The following ECE1 variants were observed in gnomAD, a reference collection of about 807,000 sequenced individuals.
ECE1 encodes the protein endothelin converting enzyme 1, also known as endothelin-converting enzyme 1.
ECE1 carries 35 observed loss-of-function variants against 98.6 expected under a neutral mutation model. That is an observed-to-expected ratio of 0.35 (90% CI 0.27 to 0.47). ECE1 has a LOEUF of 0.47. Among genes scored for constraint, ECE1 ranks in the 20% least tolerant of loss-of-function variants. The pLI, the probability that ECE1 is intolerant of heterozygous loss-of-function variation, is 1.00. For synonymous variants in ECE1, 394 were observed against 407.1 expected (o/e 0.97, Z 0.39); for missense variants, 814 against 1,025.3 (o/e 0.79, Z 2.81).
intron 1 of ECE1, among the ~76,000 whole-genome samples, chr1:21,304,058 G>A (rs183409514): frequency 1.4e-3 from 209 of 150,280 alleles, no homozygotes; most frequent in African/African-American, 4.6e-3. Flanking sequence ...GCTCACGCCT[G>A]TAATCCCAGC....
chr1:21,282,609 GA>G (rs1350018377), intron 2 of ECE1, among the ~76,000 whole-genome samples: 176 of 146,650 alleles, frequency 1.2e-3, no homozygotes, highest in African/African-American at 4.0e-3. Context: ...AAAAAAGAAA[GA>G]AAAGAAAAGA....
chr1:21,223,405 C>A (rs573913463), intron 17 of ECE1, among the ~76,000 whole-genome samples: 13 of 152,298 alleles, frequency 8.5e-5, no homozygotes, highest in African/African-American at 2.9e-4. Flanking sequence ...TCTCATGCCT[C>A]AGCCTCCCAA....
At chr1:21,242,403 T>A (rs2098197714) in intron 10 of ECE1, among the ~76,000 whole-genome samples, 1 of 152,074 alleles carries the variant, frequency 6.6e-6, no homozygotes. Context: ...TGAGGTGAGG[T>A]CAGGAGTGAT....
intron 3 of ECE1, 137 bp downstream of exon 3, chr1:21,279,054 C>A: frequency 6.9e-7 from 1 of 1,457,820 alleles, no homozygotes; most frequent in Non-Finnish European, 9.4e-7. Flanking sequence ...TCTCAGCACC[C>A]AGACCCCCCT....
chr1:21,263,215 C>A (rs949625306), intron 4 of ECE1, among the ~76,000 whole-genome samples: 5 of 152,150 alleles, frequency 3.3e-5, no homozygotes, highest in Admixed American at 6.5e-5. Flanking sequence ...CAGAACCAGC[C>A]CTGGATAGGG....
intron 11 of ECE1, 114 bp from the exon 12 acceptor site, chr1:21,236,958 C>T: frequency 9.6e-7 from 1 of 1,046,294 alleles, no homozygotes; most frequent in Non-Finnish European, 1.5e-6. Flanking sequence ...TTCCAAGCGT[C>T]AGGCTGGGTG....
rs1177436780 is a variant in ECE1, at chr1:21,342,646, A to ACG, written c.3+2728_3+2729dup. ...CACACACACACACACACACACACAC[A>ACG]CGCCCTGCAAACGCGCCGCATTAGG... On this transcript the variant is annotated intron_variant, in intron 1 of 18. Coordinates refer to the ECE1 transcript ENST00000415912. 2.5e-4 allele frequency among the ~76,000 whole-genome samples: 35 copies of ACG among 139,692 alleles called. 1 individual carries two copies. Among genetic ancestry groups the ACG allele is most frequent in the African/African-American group, 7.1e-4 (25 of 35,436 alleles). 91.6% of individuals were successfully genotyped at this position (139,692 alleles called of 152,430 possible).
At chr1:21,286,924 GAAA>G in intron 2 of ECE1, among the ~76,000 whole-genome samples, 1 of 122,720 alleles carries the variant, frequency 8.1e-6, no homozygotes, top group South Asian at 2.6e-4. Context: ...TCAAAAAAAA[GAAA>G]AAAAAAAAAG....
intron 14 of ECE1, among the ~76,000 whole-genome samples, chr1:21,230,153 G>C (rs558761241): frequency 6.6e-6 from 1 of 152,076 alleles, no homozygotes; most frequent in Non-Finnish European, 1.5e-5. Context: ...AGTGAGCTGA[G>C]ATTATGCCAC....
At chr1:21,257,751 G>A (rs560173420) in intron 6 of ECE1, among the ~76,000 whole-genome samples, 161 bp from the exon 7 acceptor site, 1 of 152,236 alleles carries the variant, frequency 6.6e-6, no homozygotes, top group Non-Finnish European at 1.5e-5. Flanking sequence ...AGCCCACTCA[G>A]GGACGGGATG....
At chr1:21,297,421 T>A (rs1298939584) in intron 1 of ECE1, among the ~76,000 whole-genome samples, 1 of 151,868 alleles carries the variant, frequency 6.6e-6, no homozygotes, top group Non-Finnish European at 1.5e-5. Flanking sequence ...CTCTGTCCCC[T>A]CGGCATGCCT....
intron 1 of ECE1, among the ~76,000 whole-genome samples, chr1:21,333,485 T>C (rs1327021250): frequency 1.3e-5 from 2 of 152,098 alleles, no homozygotes; most frequent in African/African-American, 2.4e-5. Flanking sequence ...GAAAACAGCA[T>C]ATGTGAGGGC....
intron 1 of ECE1, among the ~76,000 whole-genome samples, chr1:21,303,481 T>G (rs971325960): frequency 6.6e-5 from 10 of 152,226 alleles, no homozygotes; most frequent in African/African-American, 2.4e-4. Flanking sequence ...AAGGATTACA[T>G]GACTTACTAA....
intron 2 of ECE1, among the ~76,000 whole-genome samples, chr1:21,283,693 G>T (rs1441845498): frequency 6.6e-6 from 1 of 152,190 alleles, no homozygotes; most frequent in Non-Finnish European, 1.5e-5. Context: ...CTCCAGGACT[G>T]GCAGCCGCAG....
intron 10 of ECE1, among the ~76,000 whole-genome samples, chr1:21,240,032 G>A (rs148139319): frequency 0.013 from 1,971 of 152,186 alleles, 37 homozygotes; most frequent in African/African-American, 0.045. Flanking sequence ...TTAGCCAGGC[G>A]TGGTGGCACA....
chr1:21,328,363 T>C (rs1639126742), intron 1 of ECE1, among the ~76,000 whole-genome samples: 1 of 152,232 alleles, frequency 6.6e-6, no homozygotes, highest in Non-Finnish European at 1.5e-5. Context: ...CTAACCATTC[T>C]AGACCTTGTG....
chr1:21,332,027 G>A (rs937838464), intron 1 of ECE1, among the ~76,000 whole-genome samples: 1 of 152,140 alleles, frequency 6.6e-6, no homozygotes, highest in Non-Finnish European at 1.5e-5. Context: ...TATCAGGGCC[G>A]TTTTGTCCCA....
Position 21,233,719 on chromosome 1 carries a change from A to C in ECE1, c.1567-58T>G. ...TGCCCTCGGTGGTGTGCATCTTCCA[A>C]GACAGGAAGCCAAGGGCTGTCATGG... On this transcript the variant is annotated intron_variant, in intron 13 of 18. Transcript: ENST00000374893. The surrounding 1 kb of genome is among the most constrained non-coding windows in gnomAD (Gnocchi z 4.0). The C allele has an allele frequency of 3.3e-6, 5 of 1,528,252 alleles. No individual in the cohort carries two copies. Among genetic ancestry groups the C allele is most frequent in the Non-Finnish European group, 4.5e-6 (5 of 1,105,262 alleles). The allele number at this position is 1,528,252 out of a possible 1,614,324, so 94.7% of individuals were successfully genotyped here. A position where few individuals can be genotyped will look rare whatever the true frequency, so the allele number is the denominator to read the frequency against.
In ECE1 at chr1:21,340,030, A is replaced by G. The variant is rs146571984; in HGVS notation, c.3+5346T>C. On this transcript the variant is annotated intron_variant, in intron 1 of 18. Coordinates refer to the ECE1 transcript ENST00000415912. The surrounding 1 kb of genome is among the most constrained non-coding windows in gnomAD (Gnocchi z 4.6). ...AAGTGAACCCCCCTCCTAATTTTTT[A>G]TGTGTCCAAAACTTGGCGTCTAGGA... Among the ~76,000 whole-genome samples the G allele has an allele frequency of 2.9e-4, 44 of 152,294 alleles. No homozygotes were observed. Among genetic ancestry groups the G allele is most frequent in the Admixed American group, 2.7e-3 (41 of 15,302 alleles).
Sources: gnomAD v4.1 joint callset for allele counts (sites outside exome capture counted in the v4.1 genomes callset) on GRCh38, gnomAD v4.1.1 for gene constraint, Gnocchi (gnomAD v3.1) non-coding constraint, MANE v1.5 for transcripts, NCBI Gene and HGNC (gene_info 2026-07-23, HGNC 2026-07-21) for gene names.